The following RHPN2 variants were observed in gnomAD, a reference collection of about 807,000 sequenced individuals.
The protein encoded by RHPN2 is rhophilin Rho GTPase binding protein 2, also known as rhophilin-2.
Under a neutral mutation model 79.0 loss-of-function variants are expected in RHPN2, and 40 were observed. That is an observed-to-expected ratio of 0.51 (90% CI 0.39 to 0.66). The LOEUF (loss-of-function observed/expected upper bound fraction) is 0.66, where lower values mean the gene tolerates loss of function less well. Ranked by LOEUF, RHPN2 falls within the 30% of genes least tolerant of loss-of-function variation. The probability of loss-of-function intolerance (pLI) is 0.00; values close to 1 mark genes in which losing one functional copy is unlikely to be tolerated. For missense variants in RHPN2, 686 were observed against 883.5 expected (o/e 0.78, Z 2.83); for synonymous variants, 285 against 363.5 (o/e 0.78, Z 2.46).
intron 3 of RHPN2, among the ~76,000 whole-genome samples, chr19:33,025,981 GTTT>G: frequency 7.7e-6 from 1 of 129,106 alleles, no homozygotes. Flanking sequence ...GTGTTCATTT[GTTT>G]TTTTTTTTTT....
chr19:33,064,692 C>A lies in RHPN2; in HGVS notation c.69+92G>T, dbSNP rs1197849469. 4 of 1,367,050 alleles carry A rather than the reference C, an allele frequency of 2.9e-6. No homozygotes were observed. In the Admixed American group the frequency reaches 6.5e-5, roughly 22 times the overall value. 84.7% of individuals were successfully genotyped at this position (1,367,050 alleles called of 1,614,324 possible). On this transcript the variant is annotated intron_variant, in intron 1 of 14. Coordinates refer to ENST00000254260, the MANE Select transcript of RHPN2 (RefSeq NM_033103.5). ...CCCTCCCCCTCCCGGCCTAGTGGAC[C>A]CCGACTGCGCGCTCCCACGGCCCCT...
chr19:33,044,736 T>C (rs1462017619), intron 1 of RHPN2, among the ~76,000 whole-genome samples: 1 of 151,918 alleles, frequency 6.6e-6, no homozygotes, highest in African/African-American at 2.4e-5. Flanking sequence ...CTACTAAAAA[T>C]ACAAAAAATT....
At chr19:32,998,630 G>A (rs1477176060) in intron 10 of RHPN2, among the ~76,000 whole-genome samples, 1 of 151,542 alleles carries the variant, frequency 6.6e-6, no homozygotes, top group Admixed American at 6.6e-5. Flanking sequence ...CTGGGGGACA[G>A]CAAGATGCTG....
intron 14 of RHPN2, among the ~76,000 whole-genome samples, chr19:32,982,560 G>A (rs1377152643): frequency 1.3e-5 from 2 of 151,930 alleles, no homozygotes; most frequent in Non-Finnish European, 1.5e-5. Context: ...CATGTTTTAC[G>A]GAGCACACAC....
At chr19:32,992,684 G>A (rs1283939842) in intron 12 of RHPN2, among the ~76,000 whole-genome samples, 11 of 152,016 alleles carry the variant, frequency 7.2e-5, no homozygotes, top group Admixed American at 1.3e-4. Flanking sequence ...GGTGGTGCAC[G>A]CCAATGCTCC....
At chr19:33,045,050 C>CTTTTTTTT (rs367927850) in intron 1 of RHPN2, among the ~76,000 whole-genome samples, 1 of 127,306 alleles carries the variant, frequency 7.9e-6, no homozygotes, top group Non-Finnish European at 1.6e-5. Flanking sequence ...TGAGTATCTA[C>CTTTTTTTT]TTTTTTTTTT....
At chr19:32,989,169 G>A (rs1291472071) in intron 14 of RHPN2, among the ~76,000 whole-genome samples, 1 of 152,006 alleles carries the variant, frequency 6.6e-6, no homozygotes, top group Non-Finnish European at 1.5e-5. Flanking sequence ...GAGTGCAATG[G>A]CGCGATCTCC....
chr19:32,995,459 A>G (rs1568311067), intron 11 of RHPN2, among the ~76,000 whole-genome samples: 4 of 152,118 alleles, frequency 2.6e-5, no homozygotes, highest in Admixed American at 2.0e-4. Flanking sequence ...ACATACCCCC[A>G]CCAGCATCTT....
At chr19:32,990,137 TAAAG>T (rs67167337) in intron 14 of RHPN2, among the ~76,000 whole-genome samples, 97 of 17,882 alleles carry the variant, frequency 5.4e-3, no homozygotes, top group Admixed American at 5.6e-3. Flanking sequence ...AGAAAATGAA[TAAAG>T]AAAGAAAGAA....
At chr19:33,032,164 G>A (rs1208892708) in intron 2 of RHPN2, among the ~76,000 whole-genome samples, 5 of 151,782 alleles carry the variant, frequency 3.3e-5, no homozygotes, top group Non-Finnish European at 7.4e-5. Flanking sequence ...GGGATTACAG[G>A]AGCCTGTCAC....
At chr19:33,051,990 CAAAAA>C (rs1231161092) in intron 1 of RHPN2, among the ~76,000 whole-genome samples, 4 of 81,046 alleles carry the variant, frequency 4.9e-5, no homozygotes, top group Admixed American at 1.4e-4. Flanking sequence ...GACCCTGTCT[CAAAAA>C]AAAAAAAAAA....
chr19:32,984,011 GCA>G (rs1401335528), intron 14 of RHPN2, among the ~76,000 whole-genome samples: 2 of 152,176 alleles, frequency 1.3e-5, no homozygotes, highest in Non-Finnish European at 2.9e-5. Context: ...GCTTTACAGA[GCA>G]CAGTTTAAAA....
chr19:33,063,004 T>G (rs1972294456), intron 1 of RHPN2, among the ~76,000 whole-genome samples: 1 of 151,630 alleles, frequency 6.6e-6, no homozygotes, highest in Admixed American at 6.6e-5. Context: ...GCTGCTGGAG[T>G]TCCAGAGCTA....
chr19:33,064,838 C>T lies in RHPN2; in HGVS notation c.15G>A (p.Leu5=). MTDA[L]LPAAPQPLEK... ...CCAGCGGCTGGGGGGCCGCGGGCAA[C>T]AGCGCGTCGGTCATGCTAGCGGCGC... The change falls in exon 1 of 15, where the codon CTG becomes CTA. Residue 5 remains leucine, a synonymous_variant. Coordinates refer to ENST00000254260, the MANE Select transcript of RHPN2 (RefSeq NM_033103.5). 6.6e-7 allele frequency: 1 copy of T among 1,516,990 alleles called. No individual in the cohort carries two copies. Among genetic ancestry groups the T allele is most frequent in the African/African-American group, 1.4e-5 (1 of 69,852 alleles). The allele number at this position is 1,516,990 out of a possible 1,614,324, so 94.0% of individuals were successfully genotyped here.
Position 33,013,188 on chromosome 19 carries a change from T to A in RHPN2, c.391-464A>T, listed in dbSNP as rs114443531. ...ACCGTGCCCGGCCATAGTTTTTTTT[T>A]AAAAAAACAAAAACAAAAAACAAAA... On this transcript the variant is annotated intron_variant, in intron 4 of 14. Transcript: ENST00000254260. Among the ~76,000 whole-genome samples the A allele has an allele frequency of 2.0e-3, 157 of 78,944 alleles. No homozygotes were observed. The Middle Eastern group carries it at 0.034, about 17-fold the overall frequency. The allele number at this position is 78,944 out of a possible 152,430, so 51.8% of individuals were successfully genotyped here.
At chr19:33,047,344 T>A (rs979164265) in intron 1 of RHPN2, among the ~76,000 whole-genome samples, 1 of 152,250 alleles carries the variant, frequency 6.6e-6, no homozygotes, top group Non-Finnish European at 1.5e-5. Context: ...TTTCAACAAA[T>A]TGTCTGTGTT....
chr19:33,055,890 C>G (rs1004558306), intron 1 of RHPN2, among the ~76,000 whole-genome samples: 1 of 152,146 alleles, frequency 6.6e-6, no homozygotes, highest in Admixed American at 6.6e-5. Flanking sequence ...ACAACTTCTC[C>G]TACAGCTCTT....
chr19:33,052,901 T>C (rs1972200413), intron 1 of RHPN2, among the ~76,000 whole-genome samples: 2 of 152,110 alleles, frequency 1.3e-5, no homozygotes, highest in South Asian at 4.1e-4. Flanking sequence ...ACGAGCTCCC[T>C]TCAGTCTCTT....
At chr19:33,011,527 G>C in intron 6 of RHPN2, 152 bp downstream of exon 6, 1 of 897,168 alleles carries the variant, frequency 1.1e-6, no homozygotes, top group Non-Finnish European at 1.8e-6. Context: ...CCAATGTATT[G>C]ACATCTTTTG....
Sources: gnomAD v4.1 joint callset for allele counts (sites outside exome capture counted in the v4.1 genomes callset) on GRCh38, gnomAD v4.1.1 for gene constraint, MANE v1.5 for transcripts, NCBI Gene and HGNC (gene_info 2026-07-23, HGNC 2026-07-21) for gene names.